SMC1B: variants seen among roughly 807,000 people sequenced by gnomAD.
SMC1B encodes structural maintenance of chromosomes protein 1B.
A neutral mutation model predicts 157.9 loss-of-function variants in SMC1B; 60 were observed. The ratio of observed to expected loss-of-function variants is 0.38; its 90% CI spans 0.31 to 0.47. The LOEUF is 0.47. SMC1B is among the 20% of genes least tolerant of loss of function. The probability of loss-of-function intolerance (pLI) is 0.99; values close to 1 mark genes in which losing one functional copy is unlikely to be tolerated. For synonymous variants in SMC1B, 445 were observed against 483.0 expected, an observed-to-expected ratio of 0.92 and a Z score of 1.03; for missense variants, 1,165 against 1,426.2, an observed-to-expected ratio of 0.82 and a Z score of 2.95.
chr22:45,344,728 A>C, intron 24 of SMC1B, 71 bp from the exon 25 acceptor site: 1 of 1,018,592 alleles, frequency 9.8e-7, no homozygotes, highest in South Asian at 1.3e-5. Context: ...AAGAGCCATT[A>C]GTGAGTCTAG....
At chr22:45,380,592 C>T in intron 12 of SMC1B, among the ~76,000 whole-genome samples, 1 of 152,010 alleles carries the variant, frequency 6.6e-6, no homozygotes, top group Non-Finnish European at 1.5e-5. Context: ...ACATGCTTTC[C>T]TTCAATTCAT....
chr22:45,393,644 G>C lies in SMC1B; in HGVS notation c.1535C>G (p.Pro512Arg). Reference sequence around the variant, plus strand: ...ATTCATTCTCATTACCACAGAATCTGGGTACAGTCTTTTAAGGTGTTCCAG... The same window carrying C: ...ATTCATTCTCATTACCACAGAATCTCGGTACAGTCTTTTAAGGTGTTCCAG... Reference protein sequence around the residue: ...EVLEHLKRLYPDSVFGRLFDL... With the variant: ...EVLEHLKRLYRDSVFGRLFDL... Residue 512 changes from proline to arginine, a missense_variant, in exon 9 of 25, where the codon CCA becomes CGA. Coordinates refer to ENST00000357450, the MANE Select transcript of SMC1B (RefSeq NM_148674.5). 1 of 1,610,628 alleles carries C rather than the reference G, an allele frequency of 6.2e-7. No individual in the cohort carries two copies. The highest frequency in any genetic ancestry group is 8.5e-7 in the Non-Finnish European group (1 of 1,178,788).
intron 6 of SMC1B, among the ~76,000 whole-genome samples, chr22:45,396,724 T>TTA (rs2087129033): frequency 6.6e-6 from 1 of 152,012 alleles, no homozygotes. Context: ...ATTTATTTAT[T>TTA]TTTATTTTGC....
At chr22:45,353,923 ACCACC>A in intron 21 of SMC1B, 50 bp downstream of exon 21, 1 of 1,036,896 alleles carries the variant, frequency 9.6e-7, no homozygotes, top group Non-Finnish European at 1.4e-6. Flanking sequence ...AAAAAAAACA[ACCACC>A]ACCGGTAACA....
At position 45,378,071 on chromosome 22, in the gene SMC1B, A is replaced by AT. The variant is rs200500953; in HGVS notation, c.2058+5395dup. On this transcript the variant is annotated intron_variant, in intron 12 of 24. Transcript: ENST00000357450. ...ATGTTGCCCAGTCTGTGATTCCTCT[A>AT]TTTTTTTTAGAGTGACTAATAAGTT... Among the ~76,000 whole-genome samples, 855 of 151,628 alleles carry AT rather than the reference A, an allele frequency of 5.6e-3. 6 individuals are homozygous for AT. The highest frequency in any genetic ancestry group is 0.018 in the African/African-American group (743 of 41,334).
intron 24 of SMC1B, among the ~76,000 whole-genome samples, 172 bp from the exon 25 acceptor site, chr22:45,344,829 T>C (rs1014417360): frequency 6.6e-6 from 1 of 152,208 alleles, no homozygotes; most frequent in Non-Finnish European, 1.5e-5. Context: ...GGTATGAGAA[T>C]TTCCATTACT....
At chr22:45,353,155 C>G (rs901191775) in intron 21 of SMC1B, among the ~76,000 whole-genome samples, 1 of 151,624 alleles carries the variant, frequency 6.6e-6, no homozygotes, top group Admixed American at 6.6e-5. Flanking sequence ...CCTGTAATCC[C>G]AGCTACTTGG....
At chr22:45,354,746 T>A (rs2146765711) in intron 20 of SMC1B, among the ~76,000 whole-genome samples, 1 of 152,310 alleles carries the variant, frequency 6.6e-6, no homozygotes, top group Non-Finnish European at 1.5e-5. Flanking sequence ...ACATGTGTTT[T>A]AAAATCACCA....
In SMC1B at chr22:45,368,459, C is replaced by T. The variant is rs182691411; in HGVS notation, c.2420+1495G>A. ...TGTATACTTTTTTGAATTTTGGAAT[C>T]AGTATTATGTTCCTTTCATAAAAAG... is the stretch of plus-strand genomic sequence containing the variant. On this transcript the variant is annotated intron_variant, in intron 15 of 24. Coordinates refer to ENST00000357450, the MANE Select transcript of SMC1B (RefSeq NM_148674.5). Among the ~76,000 whole-genome samples the T allele has an allele frequency of 1.9e-4, 28 of 150,466 alleles. No individual in the cohort carries two copies. In the East Asian group the frequency reaches 4.7e-3, roughly 25 times the overall value.
Position 45,406,454 on chromosome 22 carries a change from T to C in SMC1B, c.615+6A>G, listed in dbSNP as rs2087260774. On this transcript the variant is annotated splice_donor_region_variant and intron_variant, in intron 4 of 24. Coordinates refer to ENST00000357450, the MANE Select transcript of SMC1B (RefSeq NM_148674.5). ...AACTAATGGTTACATCTTCATGACA[T>C]CTTACCTCTTCCTTCTCTAATTTTG... is the stretch of plus-strand genomic sequence containing the variant. The C allele has an allele frequency of 1.2e-6, 2 of 1,604,538 alleles. No homozygotes were observed. The highest frequency in any genetic ancestry group is 1.7e-6 in the Non-Finnish European group (2 of 1,177,210).
intron 12 of SMC1B, among the ~76,000 whole-genome samples, chr22:45,377,626 G>C (rs900139305): frequency 8.1e-5 from 12 of 147,648 alleles, no homozygotes; most frequent in Non-Finnish European, 1.5e-4. Context: ...AACAGAGTGA[G>C]ACTCTGTCTC....
chr22:45,349,327 TTTTTGTTTTG>T (rs1185184457), intron 23 of SMC1B, among the ~76,000 whole-genome samples: 1 of 150,078 alleles, frequency 6.7e-6, no homozygotes, highest in Non-Finnish European at 1.5e-5. Flanking sequence ...AGGACTGAAT[TTTTTGTTTTG>T]TTTTGTTTTG....
At chr22:45,376,062 T>C (rs903648044) in intron 12 of SMC1B, among the ~76,000 whole-genome samples, 6 of 152,202 alleles carry the variant, frequency 3.9e-5, no homozygotes, top group African/African-American at 1.4e-4. Flanking sequence ...TTACCATCGT[T>C]ACCATTTTTA....
intron 19 of SMC1B, 117 bp downstream of exon 19, chr22:45,358,580 C>T: frequency 1.6e-6 from 1 of 628,048 alleles, no homozygotes; most frequent in Non-Finnish European, 2.7e-6. Flanking sequence ...TCTTCCAAAA[C>T]CATTAGGAAA....
At chr22:45,356,727 CTTTTTTTT>C (rs1174032906) in intron 19 of SMC1B, among the ~76,000 whole-genome samples, 2 of 126,430 alleles carry the variant, frequency 1.6e-5, no homozygotes, top group African/African-American at 6.0e-5. Context: ...TTTTTCTTTT[CTTTTTTTT>C]TTTTTTTTTT....
rs61748562 is a variant in SMC1B, at chr22:45,408,740, C to T, written c.268G>A (p.Glu90Lys). The stretch of plus-strand genomic sequence containing the variant: ...ATAATCCTTGCAAATGTTTTCTCTT[C>T]GCCACTTTCCTCCACATATATAATT... ...VKIIYVEESG[E>K]EKTFARIIRG... The change falls in exon 2 of 25, where the codon GAA becomes AAA. Residue 90 changes from glutamate (E) to lysine (K), a missense_variant. Transcript: ENST00000357450. 7.0e-4 allele frequency: 1,112 copies of T among 1,596,598 alleles called. 1 individual carries two copies. The highest frequency in any genetic ancestry group is 9.0e-4 in the Non-Finnish European group (1,060 of 1,174,470).
intron 11 of SMC1B, among the ~76,000 whole-genome samples, chr22:45,384,406 G>A (rs2086969906): frequency 6.6e-6 from 1 of 151,960 alleles, no homozygotes; most frequent in Non-Finnish European, 1.5e-5. Context: ...TTGTCATATT[G>A]GAAAAGGCTT....
Position 45,362,851 on chromosome 22 carries a change from T to C in SMC1B, c.2562+34A>G, listed in dbSNP as rs1410755951. ...CACATGAAGGAAGTCATAATTTCAATGAAGAGGCACTTCAGCTACCCATTA... is the reference window on the plus strand; with the variant it reads ...CACATGAAGGAAGTCATAATTTCAACGAAGAGGCACTTCAGCTACCCATTA... On this transcript the variant is annotated intron_variant, in intron 16 of 24. Transcript: ENST00000357450. 1.9e-6 allele frequency: 3 copies of C among 1,558,724 alleles called. No individual in the cohort carries two copies. In the African/African-American group the frequency reaches 4.1e-5, roughly 21 times the overall value.
At chr22:45,388,705 G>A (rs2087018342) in intron 10 of SMC1B, among the ~76,000 whole-genome samples, 2 of 152,042 alleles carry the variant, frequency 1.3e-5, no homozygotes, top group Admixed American at 6.6e-5. Context: ...GGACAGGCGT[G>A]ATGGCTCACG....
Sources: allele counts gnomAD v4.1 joint callset (sites outside exome capture counted in the v4.1 genomes callset), GRCh38; gene constraint gnomAD v4.1.1; transcripts MANE v1.5; gene names NCBI Gene and HGNC (gene_info 2026-07-23, HGNC 2026-07-21).